The following MED23 variants were observed in gnomAD, a reference collection of about 807,000 sequenced individuals.
MED23 encodes the protein mediator of RNA polymerase II transcription subunit 23.
Under a neutral mutation model 163.9 loss-of-function variants are expected in MED23, and 105 were observed. The ratio of observed to expected loss-of-function variants is 0.64; its 90% CI spans 0.55 to 0.75. The LOEUF (loss-of-function observed/expected upper bound fraction) is 0.75. Ranked by LOEUF, MED23 falls within the 30% of genes least tolerant of loss-of-function variation. The pLI, the probability that MED23 is intolerant of heterozygous loss-of-function variation, is 0.00. For missense variants in MED23, 1,054 were observed against 1,649.0 expected (o/e 0.64, Z 6.25); for synonymous variants, 561 against 565.6 (o/e 0.99, Z 0.12).
downstream of MED23, among the ~76,000 whole-genome samples, chr6:131,585,274 C>T (rs1774137928): frequency 1.3e-5 from 2 of 152,118 alleles, no homozygotes; most frequent in East Asian, 1.9e-4. Context: ...AAGTTTTTCT[C>T]CTCCCAGTAA....
In MED23 at chr6:131,587,462, A is replaced by G. The variant is rs1774253196; in HGVS notation, c.*217T>C. ...ATAAGTTGTTATGAATATGAACAAC[A>G]TGTATCTTACTTGATCTCTTAGAGA... On this transcript the variant is annotated 3_prime_UTR_variant, in exon 29 of 29. Coordinates refer to ENST00000368068, the MANE Select transcript of MED23 (RefSeq NM_004830.4). 5 of 1,391,442 alleles carry G rather than the reference A, an allele frequency of 3.6e-6. No individual in the cohort carries two copies. The South Asian group carries it at 6.0e-5, about 17-fold the overall frequency. 86.2% of individuals were successfully genotyped at this position (1,391,442 alleles called of 1,614,324 possible).
In MED23 at chr6:131,587,359, G is replaced by A. The variant is rs1250344368; in HGVS notation, c.*320C>T. 6.1e-6 allele frequency: 7 copies of A among 1,138,944 alleles called. No individual in the cohort carries two copies. In the East Asian group the frequency reaches 1.7e-4, roughly 27 times the overall value. The allele number at this position is 1,138,944 out of a possible 1,614,324, so 70.6% of individuals were successfully genotyped here. ...AATAAAAAATACAAACAAAAACAACGGCTAGAATAGGAAAGACTGAAAGTG... is the reference window on the plus strand; with the variant it reads ...AATAAAAAATACAAACAAAAACAACAGCTAGAATAGGAAAGACTGAAAGTG... On this transcript the variant is annotated 3_prime_UTR_variant, in exon 29 of 29. Coordinates refer to ENST00000368068, the MANE Select transcript of MED23 (RefSeq NM_004830.4).
At chr6:131,577,094 TA>T (rs1418406528) in intron 30 of MED23, among the ~76,000 whole-genome samples, 1 of 152,034 alleles carries the variant, frequency 6.6e-6, no homozygotes, top group Non-Finnish European at 1.5e-5. Flanking sequence ...ATTTGTGAAA[TA>T]AAATAAAATA....
At position 131,593,162 on chromosome 6, in the gene MED23, C is replaced by G; in HGVS notation, c.3242G>C (p.Gly1081Ala). 1 of 1,614,098 alleles carries G rather than the reference C, an allele frequency of 6.2e-7. No individual in the cohort carries two copies. Among genetic ancestry groups the G allele is most frequent in the Non-Finnish European group, 8.5e-7 (1 of 1,180,004 alleles). The stretch of plus-strand genomic sequence containing the variant: ...GTTTGGAAAGGGACCAGGAGATTTG[C>G]CAGCCATCGGTGCACACAGTTAAAG... ...LIGRLVDTMA[G>A]KSPGPFPNCD... Residue 1081 changes from glycine to alanine, a missense_variant, in exon 24 of 29, where the codon GGC becomes GCC. This residue lies in a region of MED23 where 362 missense variants were observed against 471.6 expected (regional missense o/e 0.77). Transcript: ENST00000368068.
At chr6:131,622,122 T>C in intron 5 of MED23, 143 bp from the exon 6 acceptor site, 1 of 607,544 alleles carries the variant, frequency 1.6e-6, no homozygotes, top group South Asian at 2.1e-5. Context: ...GTCCCTAACA[T>C]TAACCCAACA....
chr6:131,600,487 C>T (rs1309101016), intron 17 of MED23, among the ~76,000 whole-genome samples: 1 of 152,176 alleles, frequency 6.6e-6, no homozygotes, highest in Non-Finnish European at 1.5e-5. Flanking sequence ...TTTAGTAGTA[C>T]TTTATTCGGC....
intron 7 of MED23, among the ~76,000 whole-genome samples, chr6:131,620,336 G>C (rs1156299052): frequency 1.3e-5 from 2 of 152,070 alleles, no homozygotes; most frequent in Non-Finnish European, 2.9e-5. Flanking sequence ...GCCGAAGCTA[G>C]AGTACAGTGG....
chr6:131,593,982 C>CT, intron 23 of MED23, 117 bp downstream of exon 23: 1 of 842,386 alleles, frequency 1.2e-6, no homozygotes, highest in Non-Finnish European at 1.8e-6. Context: ...TGGAAGTGAT[C>CT]TTAAAAAAAA....
At chr6:131,600,437 A>AT (rs1455991183) in intron 17 of MED23, among the ~76,000 whole-genome samples, 1 of 152,196 alleles carries the variant, frequency 6.6e-6, no homozygotes, top group Non-Finnish European at 1.5e-5. Context: ...GATAACAGTA[A>AT]TACAAGCCCA....
intron 30 of MED23, among the ~76,000 whole-genome samples, chr6:131,577,790 A>C (rs1211244878): frequency 6.6e-6 from 1 of 151,860 alleles, no homozygotes; most frequent in Non-Finnish European, 1.5e-5. Flanking sequence ...CTGTAGTCCC[A>C]GCTACTTGGG....
chr6:131,623,195 T>C (rs1777235577), intron 5 of MED23, among the ~76,000 whole-genome samples, 156 bp downstream of exon 5: 1 of 152,194 alleles, frequency 6.6e-6, no homozygotes, highest in African/African-American at 2.4e-5. Context: ...GGGAAACAAC[T>C]GAGTAACTTT....
At chr6:131,589,043 G>C (rs1774387378) in intron 28 of MED23, among the ~76,000 whole-genome samples, 1 of 152,006 alleles carries the variant, frequency 6.6e-6, no homozygotes, top group Non-Finnish European at 1.5e-5. Flanking sequence ...GATTAGTCTA[G>C]AATCCTGACT....
chr6:131,606,264 AT>A (rs1245575963), intron 13 of MED23, among the ~76,000 whole-genome samples: 1 of 152,112 alleles, frequency 6.6e-6, no homozygotes, highest in Non-Finnish European at 1.5e-5. Context: ...AAAAAAAAAA[AT>A]CTATACATAT....
chr6:131,580,686 C>A (rs933539051), intron 30 of MED23, among the ~76,000 whole-genome samples: 13 of 152,148 alleles, frequency 8.5e-5, no homozygotes, highest in African/African-American at 2.4e-4. Flanking sequence ...TGAGTGAACA[C>A]ACGCCATACG....
chr6:131,625,938 C>T lies in MED23; in HGVS notation c.160-949G>A, dbSNP rs559514296. Among the ~76,000 whole-genome samples, 67 of 151,474 alleles carry T rather than the reference C, an allele frequency of 4.4e-4. 1 individual carries two copies. The highest frequency in any genetic ancestry group is 6.8e-3 in the Middle Eastern group (2 of 294). On this transcript the variant is annotated intron_variant, in intron 3 of 28. Transcript: ENST00000368068. Reference sequence around the variant, plus strand: ...GAGATCGAGACCAACCTGGCTAACACGATGAAACCCCGTCTCTACTAAAAA... The same window carrying T: ...GAGATCGAGACCAACCTGGCTAACATGATGAAACCCCGTCTCTACTAAAAA...
chr6:131,581,473 C>A lies in MED23; in HGVS notation c.4095+6236G>T, dbSNP rs1391537167. 13 of 1,373,350 alleles carry A rather than the reference C, an allele frequency of 9.5e-6. 1 individual carries two copies. The highest frequency in any genetic ancestry group is 1.2e-5 in the Non-Finnish European group (12 of 996,158). 85.1% of individuals were successfully genotyped at this position (1,373,350 alleles called of 1,614,324 possible). On this transcript the variant is annotated intron_variant, in intron 30 of 30. Transcript: ENST00000354577. ...ATGAGAAACTCCATGTTATCTTATT[C>A]TTGGTGTAATCTCAAATCATTTTCT... is the stretch of plus-strand genomic sequence containing the variant.
At chr6:131,618,261 T>C (rs1379552027) in intron 9 of MED23, 146 bp downstream of exon 9, 3 of 707,056 alleles carry the variant, frequency 4.2e-6, no homozygotes, top group South Asian at 1.6e-5. Flanking sequence ...ATTTAGATAC[T>C]AGAATAACAT....
At chr6:131,602,127 T>C in intron 17 of MED23, 91 bp downstream of exon 17, 1 of 1,405,258 alleles carries the variant, frequency 7.1e-7, no homozygotes, top group Non-Finnish European at 1.0e-6. Flanking sequence ...ATGAAAAGTA[T>C]CTTTTTAGTA....
chr6:131,585,757 T>C (rs1371200854), downstream of MED23, among the ~76,000 whole-genome samples: 1 of 152,224 alleles, frequency 6.6e-6, no homozygotes, highest in Non-Finnish European at 1.5e-5. Context: ...GGCATTTTTT[T>C]CCCCTCTGCT....
Sources: gnomAD v4.1 joint callset for allele counts (sites outside exome capture counted in the v4.1 genomes callset) on GRCh38, gnomAD v4.1.1 for gene constraint, gnomAD v4.1.1 regional missense constraint, MANE v1.5 for transcripts, NCBI Gene and HGNC (gene_info 2026-07-23, HGNC 2026-07-21) for gene names.